Variants in ATG2B observed in about 807,000 individuals in gnomAD.
ATG2B encodes the protein autophagy related 2B, also known as autophagy-related protein 2 homolog B.
In ATG2B, 121 loss-of-function variants were observed where a neutral mutation model predicts 241.3. That is an observed-to-expected ratio of 0.50 (90% CI 0.43 to 0.58). The LOEUF (loss-of-function observed/expected upper bound fraction) is 0.58. Among genes scored for constraint, ATG2B ranks in the 20% least tolerant of loss-of-function variants. The pLI, the probability that ATG2B is intolerant of heterozygous loss-of-function variation, is 0.00. For synonymous variants in ATG2B, 858 were observed against 876.6 expected, an observed-to-expected ratio of 0.98 and a Z score of 0.37; for missense variants, 2,306 against 2,491.6, an observed-to-expected ratio of 0.93 and a Z score of 1.59.
rs1335750885 is a variant in ATG2B at position 96,329,644 on chromosome 14, A to G, written c.1731-10T>C. ...GCCAGTACCTATAAATCTATTATAA[A>G]AAATGCACCATTTAAGATTATTAGT... is the stretch of plus-strand genomic sequence containing the variant. On this transcript the variant is annotated splice_polypyrimidine_tract_variant and intron_variant, in intron 11 of 41. Transcript: ENST00000359933. 6.4e-7 allele frequency: 1 copy of G among 1,557,250 alleles called. No homozygotes were observed. The highest frequency in any genetic ancestry group is 8.8e-7 in the Non-Finnish European group (1 of 1,137,480).
At position 96,341,692 on chromosome 14, in the gene ATG2B, G is replaced by T; in HGVS notation, c.754C>A (p.Pro252Thr). ...GGGTTCCAGCTAGGTGAGAGCTTTG[G>T]CTCAGTTTCCTACAATAAAGTGACA... ...VCSTAPVETE[P>T]KLSPSWNPKI... is the part of the protein sequence containing the mutation. Residue 252 changes from proline (P) to threonine (T), a missense_variant, in exon 6 of 42, where the codon CCA (proline) becomes ACA (threonine). Pro to Thr is a conservative substitution (Grantham distance 38, BLOSUM62 -1). Coordinates refer to ENST00000359933, the MANE Select transcript of ATG2B (RefSeq NM_018036.7). 2 of 1,561,962 alleles carry T rather than the reference G, an allele frequency of 1.3e-6. No homozygotes were observed. Among genetic ancestry groups the T allele is most frequent in the Non-Finnish European group, 1.7e-6 (2 of 1,153,524 alleles).
chr14:96,313,217 A>AAACAAC, intron 24 of ATG2B, 60 bp from the exon 25 acceptor site: 1 of 1,402,014 alleles, frequency 7.1e-7, no homozygotes, highest in South Asian at 1.2e-5. Context: ...ACTCTATTAA[A>AAACAAC]AACAACAACA....
rs760120763 is a variant in ATG2B, at chr14:96,362,968, C to G, written c.9G>C (p.Trp3Cys). 6.2e-7 allele frequency: 1 copy of G among 1,613,424 alleles called. No homozygotes were observed. Among genetic ancestry groups the G allele is most frequent in the South Asian group, 1.1e-5 (1 of 91,054 alleles). Reference sequence around the variant, plus strand: ...TCTTCTTGATGGACTCCGAAAACGGCCAAGGCATAGTGACTGCTGGCAGCT... The same window carrying G: ...TCTTCTTGATGGACTCCGAAAACGGGCAAGGCATAGTGACTGCTGGCAGCT... The part of the protein sequence containing the change: MP[W>C]PFSESIKKRA... Residue 3 changes from tryptophan to cysteine, a missense_variant, in exon 1 of 42, where the codon TGG becomes TGC. Coordinates refer to ENST00000359933, the MANE Select transcript of ATG2B (RefSeq NM_018036.7).
At chr14:96,355,737 C>T (rs1329555479) in intron 1 of ATG2B, among the ~76,000 whole-genome samples, 3 of 151,694 alleles carry the variant, frequency 2.0e-5, no homozygotes, top group East Asian at 3.9e-4. Context: ...GTGTGCTTGA[C>T]AATATGAAAA....
rs1325933534 is a variant in ATG2B at position 96,289,889 on chromosome 14, TGAG to T, written c.5857-87_5857-85del. 1.6e-5 allele frequency: 23 copies of T among 1,415,960 alleles called. No homozygotes were observed. Among genetic ancestry groups the T allele is most frequent in the Non-Finnish European group, 1.9e-5 (19 of 1,026,330 alleles). The allele number at this position is 1,415,960 out of a possible 1,614,324, so 87.7% of individuals were successfully genotyped here. Reference sequence around the variant, plus strand: ...CCAGCAGAGCACTTCCTACAGGGAGTGAGGAAGAGCAGAGGAACTCACAAACCC... The same window carrying T: ...CCAGCAGAGCACTTCCTACAGGGAGTGAAGAGCAGAGGAACTCACAAACCC... On this transcript the variant is annotated intron_variant, in intron 40 of 41. Transcript: ENST00000359933. The surrounding 1 kb of genome is among the most constrained non-coding windows in gnomAD (Gnocchi z 4.3).
At chr14:96,351,393 G>C (rs959013341) in intron 1 of ATG2B, among the ~76,000 whole-genome samples, 3 of 152,152 alleles carry the variant, frequency 2.0e-5, no homozygotes, top group African/African-American at 7.2e-5. Flanking sequence ...CTTGAGTCCA[G>C]GAATTTGAGA....
rs1034122144 is a variant in ATG2B, at chr14:96,297,994, T to C, written c.5140-2434A>G. Among the ~76,000 whole-genome samples, 13 of 152,088 alleles carry C rather than the reference T, an allele frequency of 8.5e-5. No homozygotes were observed. The South Asian group carries it at 1.2e-3, about 15-fold the overall frequency. On this transcript the variant is annotated intron_variant, in intron 34 of 41. Coordinates refer to ENST00000359933, the MANE Select transcript of ATG2B (RefSeq NM_018036.7). ...ATTTTTTGTAGAAACAAGATCTCAC[T>C]ATGTTGCCCAGGCTGATCTTGAACT...
rs1013457413 is a variant in ATG2B, at chr14:96,315,423, G to A, written c.3522C>T (p.Ala1174=). 8 of 1,614,010 alleles carry A rather than the reference G, an allele frequency of 5.0e-6. No homozygotes were observed. Among genetic ancestry groups the A allele is most frequent in the Non-Finnish European group, 5.1e-6 (6 of 1,179,972 alleles). ...CTGATTTATCAGACAATATTTTAAC[G>A]GCAACAGACAGCATATTCAAACTGT... ...GGDSLNMLSV[A]VKILSDKSES... Residue 1174 remains alanine, a synonymous_variant, in exon 22 of 42, where the codon GCC becomes GCT. Transcript: ENST00000359933.
chr14:96,310,030 G>A (rs1887106438), intron 28 of ATG2B, among the ~76,000 whole-genome samples: 1 of 152,110 alleles, frequency 6.6e-6, no homozygotes, highest in South Asian at 2.1e-4. Context: ...CACACAGCAG[G>A]GGAAATATAC....
At chr14:96,317,943 T>C in intron 18 of ATG2B, 88 bp from the exon 19 acceptor site, 4 of 1,017,218 alleles carry the variant, frequency 3.9e-6, no homozygotes, top group South Asian at 2.4e-5. Context: ...AAAGATCGTA[T>C]GAACAATAAT....
chr14:96,359,296 T>C (rs1376375107), intron 1 of ATG2B, among the ~76,000 whole-genome samples: 1 of 151,950 alleles, frequency 6.6e-6, no homozygotes, highest in Non-Finnish European at 1.5e-5. Flanking sequence ...GAGGATCGCT[T>C]GAGCCTAGCA....
At chr14:96,330,209 G>C (rs530251606) in intron 11 of ATG2B, among the ~76,000 whole-genome samples, 1 of 151,724 alleles carries the variant, frequency 6.6e-6, no homozygotes, top group Non-Finnish European at 1.5e-5. Context: ...AAAAAAAAAG[G>C]GGGGTGGAAG....
chr14:96,314,268 A>G (rs1887242815), intron 23 of ATG2B, among the ~76,000 whole-genome samples: 1 of 152,248 alleles, frequency 6.6e-6, no homozygotes, highest in Non-Finnish European at 1.5e-5. Context: ...TCTCCTTTAT[A>G]AGAAACATGA....
At position 96,305,146 on chromosome 14, in the gene ATG2B, C is replaced by G. The variant is rs957005769; in HGVS notation, c.4733+443G>C. ...CTGTCCACCTGATTCTCCCAGCGACCGGCACACTGCACTCGTCTCACAGGC... is the reference window on the plus strand; with the variant it reads ...CTGTCCACCTGATTCTCCCAGCGACGGGCACACTGCACTCGTCTCACAGGC... On this transcript the variant is annotated intron_variant, in intron 31 of 41. Coordinates refer to ENST00000359933, the MANE Select transcript of ATG2B (RefSeq NM_018036.7). Among the ~76,000 whole-genome samples the G allele has an allele frequency of 3.9e-5, 6 of 152,234 alleles. No individual in the cohort carries two copies. The South Asian group carries it at 8.3e-4, about 21-fold the overall frequency.
chr14:96,353,998 C>T (rs1176326734), intron 1 of ATG2B, among the ~76,000 whole-genome samples: 1 of 152,072 alleles, frequency 6.6e-6, no homozygotes, highest in Non-Finnish European at 1.5e-5. Flanking sequence ...AATATTTAAA[C>T]AAGTTATTCT....
intron 29 of ATG2B, among the ~76,000 whole-genome samples, chr14:96,308,507 T>C (rs1887066273): frequency 1.4e-5 from 2 of 148,060 alleles, no homozygotes; most frequent in Non-Finnish European, 3.0e-5. Flanking sequence ...TTCACCATGT[T>C]GCCGAGGCTG....
intron 25 of ATG2B, 99 bp from the exon 26 acceptor site, chr14:96,312,258 G>A (rs766122731): frequency 2.5e-6 from 2 of 795,196 alleles, no homozygotes; most frequent in South Asian, 1.6e-5. Context: ...TTTCTGGTAT[G>A]AACATTGTTG....
chr14:96,325,829 A>T lies in ATG2B; in HGVS notation c.2257T>A (p.Ser753Thr). 1 of 1,614,076 alleles carries T rather than the reference A, an allele frequency of 6.2e-7. No homozygotes were observed. Among genetic ancestry groups the T allele is most frequent in the Non-Finnish European group, 8.5e-7 (1 of 1,179,984 alleles). ...AGATCAGGTATTGGGAAGCGAACAGAAAGGTTTAATGCTGGTGTGGCAACT... is the reference window on the plus strand; with the variant it reads ...AGATCAGGTATTGGGAAGCGAACAGTAAGGTTTAATGCTGGTGTGGCAACT... ...VQVATPALNLSVRFPIPDLRS... is the reference protein window; with the variant it reads ...VQVATPALNLTVRFPIPDLRS... Residue 753 changes from serine to threonine, a missense_variant, in exon 15 of 42, where the codon TCT (serine) becomes ACT (threonine). Ser to Thr is a moderately conservative substitution (Grantham distance 58). This residue lies in a region of ATG2B where 1,927 missense variants were observed against 2,011.2 expected (regional missense o/e 0.96). Transcript: ENST00000359933.
chr14:96,324,579 C>T (rs1163882074), intron 15 of ATG2B, among the ~76,000 whole-genome samples: 1 of 152,088 alleles, frequency 6.6e-6, no homozygotes, highest in Non-Finnish European at 1.5e-5. Context: ...ACGAGAATCG[C>T]TTGAAGCCAG....
Sources: allele counts gnomAD v4.1 joint callset (sites outside exome capture counted in the v4.1 genomes callset), GRCh38; gene constraint gnomAD v4.1.1; regional missense constraint gnomAD v4.1.1; non-coding constraint Gnocchi (gnomAD v3.1); transcripts MANE v1.5; gene names NCBI Gene and HGNC (gene_info 2026-07-23, HGNC 2026-07-21).